The following CCDC39 variants were observed in gnomAD, a reference collection of about 807,000 sequenced individuals.
CCDC39 encodes coiled-coil domain 39 molecular ruler complex subunit.
A neutral mutation model predicts 121.0 loss-of-function variants in CCDC39; 113 were observed. The ratio of observed to expected loss-of-function variants is 0.93; its 90% CI spans 0.80 to 1.09. The LOEUF is 1.09. Ranked by LOEUF, CCDC39 falls within the 50% of genes least tolerant of loss-of-function variation. The probability of loss-of-function intolerance (pLI) is 0.00; values close to 1 mark genes in which losing one functional copy is unlikely to be tolerated. For synonymous variants in CCDC39, 349 were observed against 352.2 expected (o/e 0.99, Z 0.10); for missense variants, 1,063 against 1,074.7 (o/e 0.99, Z 0.15).
rs767777047 is a variant in CCDC39, at chr3:180,616,299, T to A, written c.2651A>T (p.His884Leu). ...GSRQSSRSPS[H>L]TSLSARSSRS... The stretch of plus-strand genomic sequence containing the variant: ...CGCTTACCTTGCTGATAGTGAAGTA[T>A]GTGAAGGAGATCTAGAGCTCTGACG... The change falls in exon 19 of 20, where the codon CAT becomes CTT. Residue 884 changes from histidine to leucine, a missense_variant. By Grantham distance (99) the His-to-Leu change is moderately conservative. Coordinates refer to ENST00000476379, the MANE Select transcript of CCDC39 (RefSeq NM_181426.2). 2 of 1,613,242 alleles carry A rather than the reference T, an allele frequency of 1.2e-6. No homozygotes were observed. The highest frequency in any genetic ancestry group is 8.5e-7 in the Non-Finnish European group (1 of 1,179,480).
chr3:180,660,507 T>A, intron 4 of CCDC39, 63 bp downstream of exon 4: 1 of 1,366,714 alleles, frequency 7.3e-7, no homozygotes, highest in Non-Finnish European at 9.7e-7. Flanking sequence ...TAACTTTAGG[T>A]AAATAGGTTG....
In CCDC39 at chr3:180,623,381, T is replaced by G. The variant is rs968488002; in HGVS notation, c.1999-3411A>C. On this transcript the variant is annotated intron_variant, in intron 14 of 19. Coordinates refer to ENST00000476379, the MANE Select transcript of CCDC39 (RefSeq NM_181426.2). ...TTAGCTAGCAGTTTATCAATTTTGT[T>G]TGTCATTTGAGGAACAAAGTTTTAA... Among the ~76,000 whole-genome samples, 33 of 152,026 alleles carry G rather than the reference T, an allele frequency of 2.2e-4. 1 individual carries two copies. Among genetic ancestry groups the G allele is most frequent in the African/African-American group, 7.2e-4 (30 of 41,420 alleles).
At chr3:180,627,239 A>AT (rs1002811418) in intron 14 of CCDC39, among the ~76,000 whole-genome samples, 45 of 152,360 alleles carry the variant, frequency 3.0e-4, no homozygotes, top group African/African-American at 1.0e-3. Context: ...AGTTACACAT[A>AT]TTTTGTGATA....
chr3:180,663,270 G>T (rs1356821065), intron 2 of CCDC39, among the ~76,000 whole-genome samples: 1 of 152,040 alleles, frequency 6.6e-6, no homozygotes, highest in East Asian at 1.9e-4. Flanking sequence ...ATTTTATTAT[G>T]TATTATATTA....
intron 7 of CCDC39, among the ~76,000 whole-genome samples, chr3:180,653,644 C>A (rs971776775): frequency 6.6e-6 from 1 of 152,084 alleles, no homozygotes; most frequent in African/African-American, 2.4e-5. Context: ...TAATCTTAAG[C>A]AGAAAGAACA....
At chr3:180,632,542 C>T (rs537802927) in intron 13 of CCDC39, among the ~76,000 whole-genome samples, 52 of 152,182 alleles carry the variant, frequency 3.4e-4, no homozygotes, top group African/African-American at 1.2e-3. Context: ...AAAATATTTA[C>T]TCATCCTTTA....
Position 180,628,994 on chromosome 3 carries a change from C to T in CCDC39, c.1998+2475G>A, listed in dbSNP as rs577736450. On this transcript the variant is annotated intron_variant, in intron 14 of 19. Transcript: ENST00000476379. ...CTACATCAACAAACAGAATCCACTA[C>T]GTTGGAAAACAGACTTACATTGAAA... 5.3e-5 allele frequency among the ~76,000 whole-genome samples: 8 copies of T among 152,312 alleles called. No individual in the cohort carries two copies. In the East Asian group the frequency reaches 7.7e-4, roughly 15 times the overall value.
chr3:180,643,748 T>C (rs535682462), intron 12 of CCDC39, among the ~76,000 whole-genome samples: 1 of 152,256 alleles, frequency 6.6e-6, no homozygotes, highest in Admixed American at 6.5e-5. Context: ...ATTGAACAAC[T>C]GCACTGTACA....
chr3:180,614,712 G>T lies in CCDC39; in HGVS notation c.*209C>A. Reference sequence around the variant, plus strand: ...TTTTCCTATGCTTGTATAACATGTAGCCTTGTCAAGAATCTGCTATTAATT... The same window carrying T: ...TTTTCCTATGCTTGTATAACATGTATCCTTGTCAAGAATCTGCTATTAATT... On this transcript the variant is annotated 3_prime_UTR_variant, in exon 20 of 20. Coordinates refer to ENST00000476379, the MANE Select transcript of CCDC39 (RefSeq NM_181426.2). The T allele has an allele frequency of 2.1e-6, 1 of 479,758 alleles. No individual in the cohort carries two copies. The highest frequency in any genetic ancestry group is 3.6e-6 in the Non-Finnish European group (1 of 274,760). 29.7% of individuals were successfully genotyped at this position (479,758 alleles called of 1,614,324 possible).
chr3:180,654,789 T>G lies in CCDC39; in HGVS notation c.903A>C (p.Glu301Asp). The change falls in exon 7 of 20, where the codon GAA (glutamate) becomes GAC (aspartate). Residue 301 changes from glutamate (E) to aspartate (D), a missense_variant. Transcript: ENST00000476379. ...LKCRTAYQDH[E>D]TSRIQLKGEL... ...CACCCTTCAGCTGAATTCTACTAGT[T>G]TCATGGTCCTGATATGCCGTTCTAC... 1 of 1,609,216 alleles carries G rather than the reference T, an allele frequency of 6.2e-7. No homozygotes were observed. Among genetic ancestry groups the G allele is most frequent in the Non-Finnish European group, 8.5e-7 (1 of 1,177,808 alleles).
chr3:180,624,870 C>A (rs913159203), intron 14 of CCDC39, among the ~76,000 whole-genome samples: 3 of 152,072 alleles, frequency 2.0e-5, no homozygotes, highest in African/African-American at 7.2e-5. Context: ...TATAAGATTT[C>A]TGCTGAGAAG....
At chr3:180,654,672 T>G in intron 7 of CCDC39, 90 bp downstream of exon 7, 1 of 857,978 alleles carries the variant, frequency 1.2e-6, no homozygotes, top group Non-Finnish European at 1.6e-6. Flanking sequence ...AGAAGTAGTT[T>G]CTTTATCACA....
At chr3:180,640,814 C>T (rs1717937101) in intron 13 of CCDC39, among the ~76,000 whole-genome samples, 1 of 151,892 alleles carries the variant, frequency 6.6e-6, no homozygotes, top group African/African-American at 2.4e-5. Context: ...CTTCAGGCTC[C>T]CAATGGCTTT....
In CCDC39 at chr3:180,644,275, G is replaced by T; in HGVS notation, c.1528-18C>A. On this transcript the variant is annotated intron_variant, in intron 11 of 19. Coordinates refer to ENST00000476379, the MANE Select transcript of CCDC39 (RefSeq NM_181426.2). ...AGATCATTCTGCAAAAAAGAAAAAA[G>T]GTATATAAATGTATGTTTTAAATAT... 3 of 1,442,050 alleles carry T rather than the reference G, an allele frequency of 2.1e-6. No individual in the cohort carries two copies. The highest frequency in any genetic ancestry group is 1.9e-6 in the Non-Finnish European group (2 of 1,076,584). 89.3% of individuals were successfully genotyped at this position (1,442,050 alleles called of 1,614,324 possible). A position where few individuals can be genotyped will look rare whatever the true frequency, so the allele number is the denominator to read the frequency against.
chr3:180,637,227 T>C (rs1428579406), intron 13 of CCDC39, among the ~76,000 whole-genome samples: 1 of 151,894 alleles, frequency 6.6e-6, no homozygotes, highest in African/African-American at 2.4e-5. Flanking sequence ...CTTAAACAAA[T>C]TTATAAGAAA....
chr3:180,625,859 T>C (rs1013881282), intron 14 of CCDC39, among the ~76,000 whole-genome samples: 1 of 151,804 alleles, frequency 6.6e-6, no homozygotes, highest in African/African-American at 2.4e-5. Context: ...TTGGGCCCCA[T>C]TGGTGGCAGT....
At chr3:180,634,852 G>A (rs1353179397) in intron 13 of CCDC39, among the ~76,000 whole-genome samples, 1 of 152,198 alleles carries the variant, frequency 6.6e-6, no homozygotes, top group Non-Finnish European at 1.5e-5. Flanking sequence ...TAAGAAGTCA[G>A]CTACAAATAA....
chr3:180,667,092 G>T (rs1193964409), intron 1 of CCDC39, among the ~76,000 whole-genome samples: 1 of 151,940 alleles, frequency 6.6e-6, no homozygotes, highest in African/African-American at 2.4e-5. Flanking sequence ...ACTAATATCA[G>T]ATTACTAACT....
At chr3:180,618,531 A>ATATC (rs1355813074) in intron 16 of CCDC39, among the ~76,000 whole-genome samples, 1 of 152,026 alleles carries the variant, frequency 6.6e-6, no homozygotes, top group Non-Finnish European at 1.5e-5. Context: ...AACATTAGGT[A>ATATC]TATCTCCTAA....
Sources: allele counts gnomAD v4.1 joint callset (sites outside exome capture counted in the v4.1 genomes callset), GRCh38; gene constraint gnomAD v4.1.1; transcripts MANE v1.5; gene names NCBI Gene and HGNC (gene_info 2026-07-23, HGNC 2026-07-21).